The following CNTNAP5 variants were observed in gnomAD, a reference collection of about 807,000 sequenced individuals.
CNTNAP5 encodes the protein contactin associated protein family member 5.
Under a neutral mutation model 150.2 loss-of-function variants are expected in CNTNAP5, and 72 were observed. The ratio of observed to expected loss-of-function variants is 0.48; its 90% CI spans 0.40 to 0.58. CNTNAP5 has a LOEUF of 0.58. Among genes scored for constraint, CNTNAP5 ranks in the 20% least tolerant of loss-of-function variants. The pLI is 0.00. For synonymous variants in CNTNAP5, 672 were observed against 619.8 expected (o/e 1.08, Z -1.25); for missense variants, 1,636 against 1,626.2 (o/e 1.01, Z -0.10).
chr2:124,788,461 T>G (rs1681644858), intron 17 of CNTNAP5, among the ~76,000 whole-genome samples: 1 of 152,198 alleles, frequency 6.6e-6, no homozygotes, highest in Admixed American at 6.5e-5. Context: ...TCAGCTTAAT[T>G]TAAGGATTAA....
At chr2:124,412,420 A>G (rs2104771322) in intron 3 of CNTNAP5, among the ~76,000 whole-genome samples, 1 of 148,520 alleles carries the variant, frequency 6.7e-6, no homozygotes, top group African/African-American at 2.4e-5. Flanking sequence ...CCGCATTGCC[A>G]AGGCAATCCT....
At chr2:124,792,971 G>A (rs1454649287) in intron 18 of CNTNAP5, among the ~76,000 whole-genome samples, 1 of 152,106 alleles carries the variant, frequency 6.6e-6, no homozygotes. Flanking sequence ...TCATTTCTTT[G>A]GCTATTATAC....
chr2:124,362,338 A>G (rs1417518861), intron 3 of CNTNAP5, among the ~76,000 whole-genome samples: 3 of 152,152 alleles, frequency 2.0e-5, no homozygotes, highest in Non-Finnish European at 4.4e-5. Flanking sequence ...TCCTCCCAGA[A>G]TCTCAACATC....
intron 13 of CNTNAP5, among the ~76,000 whole-genome samples, chr2:124,712,686 A>C (rs1173364604): frequency 6.6e-6 from 1 of 152,062 alleles, no homozygotes; most frequent in African/African-American, 2.4e-5. Context: ...TTTCTGGTTC[A>C]CTAACAGTGC....
chr2:124,356,117 C>T (rs1396196685), intron 3 of CNTNAP5, among the ~76,000 whole-genome samples: 1 of 151,974 alleles, frequency 6.6e-6, no homozygotes, highest in Non-Finnish European at 1.5e-5. Context: ...TAAAGATTGT[C>T]CCATGATTTG....
intron 21 of CNTNAP5, among the ~76,000 whole-genome samples, chr2:124,886,699 G>T (rs62173296): frequency 6.6e-6 from 1 of 152,024 alleles, no homozygotes; most frequent in Non-Finnish European, 1.5e-5. Flanking sequence ...ACAGTAACAT[G>T]CATTTAATAA....
chr2:124,714,206 A>G (rs114394799), intron 13 of CNTNAP5, among the ~76,000 whole-genome samples: 24 of 148,270 alleles, frequency 1.6e-4, no homozygotes, highest in Non-Finnish European at 3.0e-4. Context: ...CTGCTTGAGA[A>G]CAGTCATTGT....
At chr2:124,345,414 C>T (rs1034803819) in intron 3 of CNTNAP5, among the ~76,000 whole-genome samples, 1 of 152,136 alleles carries the variant, frequency 6.6e-6, no homozygotes, top group African/African-American at 2.4e-5. Context: ...AATCCAACAT[C>T]ACAGCAAGCT....
intron 13 of CNTNAP5, among the ~76,000 whole-genome samples, chr2:124,732,680 C>A (rs1454823684): frequency 6.6e-6 from 1 of 152,050 alleles, no homozygotes; most frequent in African/African-American, 2.4e-5. Flanking sequence ...GCCAAATAGA[C>A]CAAAATGCAT....
chr2:124,786,398 A>AGAAAGAAAGAAAGAAGGAAGGAAG (rs1553442119), intron 17 of CNTNAP5, among the ~76,000 whole-genome samples: 3 of 45,224 alleles, frequency 6.6e-5, no homozygotes, highest in East Asian at 6.8e-4. Flanking sequence ...AAAGAAAGAA[A>AGAAAGAAAGAAAGAAGGAAGGAAG]GAAGGAAGGA....
intron 3 of CNTNAP5, among the ~76,000 whole-genome samples, chr2:124,305,076 G>C (rs1475166608): frequency 7.5e-6 from 1 of 134,054 alleles, no homozygotes; most frequent in East Asian, 2.2e-4. Flanking sequence ...GACCAGCCTG[G>C]GCAATATGGT....
chr2:124,549,086 G>A (rs1695577442), intron 10 of CNTNAP5, among the ~76,000 whole-genome samples: 1 of 152,164 alleles, frequency 6.6e-6, no homozygotes, highest in South Asian at 2.1e-4. Flanking sequence ...TCAAACACCA[G>A]CTCAATTTTA....
rs77307114 is a variant in CNTNAP5 at position 124,789,407 on chromosome 2, A to G, written c.2753-495A>G. Among the ~76,000 whole-genome samples, 123 of 152,214 alleles carry G rather than the reference A, an allele frequency of 8.1e-4. No homozygotes were observed. In the East Asian group the frequency reaches 0.019, roughly 24 times the overall value. ...AAGGACATGTATTTTTTTCTTAACTAACTTTTATTTTAGGTTCAGGGCTAG... is the reference window on the plus strand; with the variant it reads ...AAGGACATGTATTTTTTTCTTAACTGACTTTTATTTTAGGTTCAGGGCTAG... On this transcript the variant is annotated intron_variant, in intron 17 of 23. Transcript: ENST00000682447.
chr2:124,608,780 A>G (rs762247777), intron 11 of CNTNAP5, among the ~76,000 whole-genome samples: 11 of 151,994 alleles, frequency 7.2e-5, no homozygotes, highest in Non-Finnish European at 1.5e-4. Context: ...CCCCGTCTCT[A>G]CTAAAAATAT....
At chr2:124,447,153 C>G (rs1692841694) in intron 6 of CNTNAP5, among the ~76,000 whole-genome samples, 1 of 151,454 alleles carries the variant, frequency 6.6e-6, no homozygotes, top group East Asian at 2.0e-4. Flanking sequence ...CACAAGATAG[C>G]AGCTCTGTGC....
chr2:124,607,731 G>A (rs560515129), intron 11 of CNTNAP5, among the ~76,000 whole-genome samples: 1 of 152,302 alleles, frequency 6.6e-6, no homozygotes, highest in South Asian at 2.1e-4. Flanking sequence ...CTCACATGCT[G>A]TGGGGTGGTG....
At chr2:124,523,000 C>T (rs1040450858) in intron 8 of CNTNAP5, among the ~76,000 whole-genome samples, 1 of 152,164 alleles carries the variant, frequency 6.6e-6, no homozygotes, top group Admixed American at 6.5e-5. Flanking sequence ...CTGTCTACCC[C>T]ACTAGCCTGA....
intron 16 of CNTNAP5, among the ~76,000 whole-genome samples, chr2:124,764,412 T>C (rs1258804191): frequency 1.3e-5 from 2 of 152,226 alleles, no homozygotes; most frequent in Non-Finnish European, 2.9e-5. Flanking sequence ...AAGGTATTTC[T>C]TACCTGTGAC....
chr2:124,521,213 G>C (rs371803897), intron 8 of CNTNAP5, among the ~76,000 whole-genome samples: 1 of 152,110 alleles, frequency 6.6e-6, no homozygotes, highest in African/African-American at 2.4e-5. Context: ...AATTAACCTG[G>C]AGTGAGCCCC....
Sources: gnomAD v4.1 joint callset for allele counts (sites outside exome capture counted in the v4.1 genomes callset) on GRCh38, gnomAD v4.1.1 for gene constraint, MANE v1.5 for transcripts, NCBI Gene and HGNC (gene_info 2026-07-23, HGNC 2026-07-21) for gene names.